The following WNT5A variants were observed in gnomAD, a reference collection of about 807,000 sequenced individuals.
WNT5A encodes Wnt family member 5A.
A neutral mutation model predicts 42.1 loss-of-function variants in WNT5A; 9 were observed. That is an observed-to-expected ratio of 0.21 (90% CI 0.13 to 0.37). The LOEUF (loss-of-function observed/expected upper bound fraction) is 0.37, where lower values mean the gene tolerates loss of function less well. Among genes scored for constraint, WNT5A ranks in the 10% least tolerant of loss-of-function variants. The probability of loss-of-function intolerance (pLI) is 1.00; values close to 1 mark genes in which losing one functional copy is unlikely to be tolerated. For synonymous variants in WNT5A, 210 were observed against 210.0 expected, an observed-to-expected ratio of 1.00 and a Z score of 0.00; for missense variants, 426 against 534.0, an observed-to-expected ratio of 0.80 and a Z score of 1.99.
the WNT5A span, among the ~76,000 whole-genome samples, chr3:55,499,985 A>ACC: frequency 6.6e-6 from 1 of 150,678 alleles, no homozygotes; most frequent in African/African-American, 2.5e-5. Flanking sequence ...CCCTCCAAAA[A>ACC]AAAAAAAAAA....
chr3:55,471,146 T>C (rs2106894579), intron 4 of WNT5A, among the ~76,000 whole-genome samples: 1 of 152,312 alleles, frequency 6.6e-6, no homozygotes, highest in Admixed American at 6.5e-5. Flanking sequence ...CCATTACTAC[T>C]ATTATTGCTG....
At chr3:55,481,045 G>T in intron 1 of WNT5A, 127 bp from the exon 2 acceptor site, 2 of 1,064,276 alleles carry the variant, frequency 1.9e-6, no homozygotes, top group Non-Finnish European at 2.5e-6. Context: ...TCTCCTCCGT[G>T]AGTTTTTTGA....
At chr3:55,496,657 C>A in the WNT5A span, among the ~76,000 whole-genome samples, 1 of 152,136 alleles carries the variant, frequency 6.6e-6, no homozygotes, top group African/African-American at 2.4e-5. Flanking sequence ...GCAGCTATGT[C>A]ATAACAGAGA....
the WNT5A span, among the ~76,000 whole-genome samples, chr3:55,502,002 A>G: frequency 1.3e-5 from 2 of 152,156 alleles, no homozygotes; most frequent in African/African-American, 4.8e-5. Context: ...ATTTAGTTAG[A>G]TTGGTGGGAG....
In WNT5A at chr3:55,485,037, C is replaced by T. The variant is rs576304223; in HGVS notation, c.6+1943G>A. Among the ~76,000 whole-genome samples the T allele has an allele frequency of 2.0e-5, 3 of 152,204 alleles. No homozygotes were observed. In the East Asian group the frequency reaches 5.8e-4, roughly 30 times the overall value. Reference sequence around the variant, plus strand: ...GGTACCAACCCTGTGTCCAGCTGGCCGAGTCCCATTTGCTGGGCTGGACCC... The same window carrying T: ...GGTACCAACCCTGTGTCCAGCTGGCTGAGTCCCATTTGCTGGGCTGGACCC... On this transcript the variant is annotated intron_variant, in intron 1 of 4. Transcript: ENST00000264634.
intron 4 of WNT5A, among the ~76,000 whole-genome samples, chr3:55,473,683 C>T (rs2051294074): frequency 6.6e-6 from 1 of 152,048 alleles, no homozygotes. Context: ...CTAGAAAAGC[C>T]CTTTTTTAAA....
At chr3:55,496,264 C>T in the WNT5A span, among the ~76,000 whole-genome samples, 3 of 152,182 alleles carry the variant, frequency 2.0e-5, no homozygotes, top group Admixed American at 2.0e-4. Flanking sequence ...CTTTGCTCCA[C>T]TCAGTTTAAT....
At chr3:55,480,718 G>C in intron 2 of WNT5A, 67 bp downstream of exon 2, 3 of 1,430,228 alleles carry the variant, frequency 2.1e-6, no homozygotes, top group South Asian at 1.6e-5. Context: ...AAATATTGCC[G>C]CATCATACAA....
At chr3:55,493,566 G>A (rs1161008779), upstream of WNT5A, among the ~76,000 whole-genome samples, 2 of 101,174 alleles carry the variant, frequency 2.0e-5, no homozygotes, top group East Asian at 2.2e-4. Flanking sequence ...GCTCCAGGAG[G>A]GCAAGACCTG....
intron 3 of WNT5A, among the ~76,000 whole-genome samples, chr3:55,478,576 C>A (rs1033377851): frequency 6.6e-6 from 1 of 152,126 alleles, no homozygotes; most frequent in Admixed American, 6.5e-5. Flanking sequence ...TTTTTAAAAT[C>A]TTTGCCTTTA....
At chr3:55,480,978 A>C in intron 1 of WNT5A, 60 bp from the exon 2 acceptor site, 1 of 1,362,670 alleles carries the variant, frequency 7.3e-7, no homozygotes, top group Non-Finnish European at 9.5e-7. Context: ...CAAGCATACA[A>C]GTTTAAACAA....
rs112580272 is a variant in WNT5A at position 55,482,772 on chromosome 3, C to G, written c.7-1854G>C. ...GAAGGCTCCGGCTATCTCCCCACCC[C>G]CGCCCTAAGTGTCAAATTTCCTCCA... is the stretch of plus-strand genomic sequence containing the variant. On this transcript the variant is annotated intron_variant, in intron 1 of 4. Transcript: ENST00000264634. Among the ~76,000 whole-genome samples the G allele has an allele frequency of 8.7e-3, 1,332 of 152,314 alleles. 6 individuals carry two copies. The highest frequency in any genetic ancestry group is 0.014 in the Non-Finnish European group (981 of 68,038).
rs532318131 is a variant in WNT5A at position 55,487,107 on chromosome 3, G to T, written c.-122C>A. On this transcript the variant is annotated 5_prime_UTR_variant, in exon 1 of 5. Transcript: ENST00000264634. ...CAGGAGCAGGGCTGCGGAGTCCTCC[G>T]GCGCGCGTCCGGCGGGCGCAGTGAA... 2.9e-5 allele frequency: 24 copies of T among 840,114 alleles called. No individual in the cohort carries two copies. The African/African-American group carries it at 4.1e-4, about 14-fold the overall frequency. The allele number at this position is 840,114 out of a possible 1,614,324, so 52.0% of individuals were successfully genotyped here.
upstream of WNT5A, among the ~76,000 whole-genome samples, chr3:55,492,580 G>T (rs2051671911): frequency 6.6e-6 from 1 of 152,172 alleles, no homozygotes; most frequent in African/African-American, 2.4e-5. Context: ...GGAGAGTAGA[G>T]GTAGGGGCTG....
intron 3 of WNT5A, among the ~76,000 whole-genome samples, chr3:55,478,791 A>G (rs897248064): frequency 1.2e-4 from 19 of 152,190 alleles, no homozygotes; most frequent in African/African-American, 3.4e-4. Flanking sequence ...TTCTGGGACT[A>G]AAAATAAAGC....
chr3:55,494,414 T>C (rs2051693015), upstream of WNT5A, among the ~76,000 whole-genome samples: 1 of 152,204 alleles, frequency 6.6e-6, no homozygotes, highest in Admixed American at 6.5e-5. Flanking sequence ...ACATTGAGCA[T>C]GCTGTGAAAA....
upstream of WNT5A, chr3:55,487,407 AAAT>A (rs1035869410): frequency 1.0e-5 from 2 of 191,844 alleles, no homozygotes; most frequent in African/African-American, 2.3e-5. Context: ...ACCTTACGAC[AAAT>A]AATAATAAAA....
chr3:55,502,347 G>C, the WNT5A span, among the ~76,000 whole-genome samples: 1 of 152,220 alleles, frequency 6.6e-6, no homozygotes, highest in Non-Finnish European at 1.5e-5. Context: ...CTAATGCACA[G>C]ACATTGTGGG....
At chr3:55,500,745 G>A in the WNT5A span, among the ~76,000 whole-genome samples, 1 of 152,210 alleles carries the variant, frequency 6.6e-6, no homozygotes, top group South Asian at 2.1e-4. Flanking sequence ...AGATAGAGGA[G>A]AAAGCCTGGT....
Sources: gnomAD v4.1 joint callset for allele counts (sites outside exome capture counted in the v4.1 genomes callset) on GRCh38, gnomAD v4.1.1 for gene constraint, MANE v1.5 for transcripts, NCBI Gene and HGNC (gene_info 2026-07-23, HGNC 2026-07-21) for gene names.